Variants in ATRNL1 observed in about 807,000 individuals in gnomAD.
ATRNL1 encodes attractin like 1.
A neutral mutation model predicts 182.7 loss-of-function variants in ATRNL1; 95 were observed. That is an observed-to-expected ratio of 0.52 (90% confidence interval 0.44 to 0.62). The LOEUF is 0.62. ATRNL1 is among the 20% of genes least tolerant of loss of function. The pLI is 0.00. For missense variants in ATRNL1, 1,471 were observed against 1,679.5 expected (o/e 0.88, Z 2.17); for synonymous variants, 576 against 568.3 (o/e 1.01, Z -0.19).
intron 25 of ATRNL1, among the ~76,000 whole-genome samples, chr10:115,532,437 A>G (rs1244484927): frequency 1.3e-4 from 20 of 151,760 alleles, no homozygotes; most frequent in South Asian, 4.2e-4. Flanking sequence ...ATCTGTTATT[A>G]GTGTATAAGA....
intron 26 of ATRNL1, among the ~76,000 whole-genome samples, chr10:115,640,672 A>G (rs552997665): frequency 6.6e-6 from 1 of 152,312 alleles, no homozygotes; most frequent in African/African-American, 2.4e-5. Flanking sequence ...TCTGGATATT[A>G]GCTTTTTGTC....
At chr10:115,820,434 G>C (rs1950264942) in intron 27 of ATRNL1, 1 of 152,046 alleles carries the variant, frequency 6.6e-6, no homozygotes, top group African/African-American at 2.4e-5. Context: ...TCCTTCATCA[G>C]GATACAGAAA....
At chr10:115,226,683 A>C (rs529251183) in intron 9 of ATRNL1, among the ~76,000 whole-genome samples, 1 of 152,186 alleles carries the variant, frequency 6.6e-6, no homozygotes, top group Non-Finnish European at 1.5e-5. Flanking sequence ...AAACTGTACT[A>C]TAAAGCTACA....
intron 24 of ATRNL1, among the ~76,000 whole-genome samples, chr10:115,481,087 G>T (rs982364214): frequency 9.3e-5 from 14 of 150,468 alleles, no homozygotes; most frequent in Non-Finnish European, 2.1e-4. Context: ...ATGCGGTTTT[G>T]TTAAATATTC....
intron 27 of ATRNL1, among the ~76,000 whole-genome samples, chr10:115,824,787 G>T (rs1372562549): frequency 1.3e-5 from 2 of 152,190 alleles, no homozygotes; most frequent in African/African-American, 4.8e-5. Context: ...GTGGAAAATA[G>T]GAGCGCTTGT....
chr10:115,330,905 A>T (rs1210807657), intron 18 of ATRNL1, among the ~76,000 whole-genome samples: 1 of 151,766 alleles, frequency 6.6e-6, no homozygotes, highest in Non-Finnish European at 1.5e-5. Flanking sequence ...TTGAACACTA[A>T]TGATACACAG....
intron 8 of ATRNL1, among the ~76,000 whole-genome samples, chr10:115,206,264 G>GTTTAATTGT (rs1284996396): frequency 6.6e-6 from 1 of 151,998 alleles, no homozygotes; most frequent in Non-Finnish European, 1.5e-5. Context: ...TTTTTCAACA[G>GTTTAATTGT]TTTAATTGTT....
At chr10:115,462,955 G>C (rs555472695) in intron 22 of ATRNL1, among the ~76,000 whole-genome samples, 10 of 151,858 alleles carry the variant, frequency 6.6e-5, no homozygotes, top group African/African-American at 2.2e-4. Context: ...ATCAACCATA[G>C]GGTTTATTCG....
At chr10:115,408,344 TC>T (rs1255817682) in intron 20 of ATRNL1, among the ~76,000 whole-genome samples, 30 of 152,326 alleles carry the variant, frequency 2.0e-4, no homozygotes, top group East Asian at 1.9e-4. Context: ...GGCCATTTTT[TC>T]ATAGGTTTGC....
chr10:115,250,678 A>G (rs1850838724), intron 10 of ATRNL1, among the ~76,000 whole-genome samples: 1 of 152,196 alleles, frequency 6.6e-6, no homozygotes, highest in African/African-American at 2.4e-5. Context: ...AAGATGCATA[A>G]TTGGTCTTTT....
At chr10:115,168,558 T>TA (rs1847149230) in intron 7 of ATRNL1, among the ~76,000 whole-genome samples, 1 of 152,170 alleles carries the variant, frequency 6.6e-6, no homozygotes, top group African/African-American at 2.4e-5. Context: ...ATTTCCCTGT[T>TA]AACTAATGAT....
chr10:115,835,969 A>T (rs979139711), intron 27 of ATRNL1, among the ~76,000 whole-genome samples: 3 of 152,132 alleles, frequency 2.0e-5, no homozygotes, highest in African/African-American at 7.2e-5. Flanking sequence ...CCCCACACCG[A>T]TGTTGTTCCT....
chr10:115,625,429 C>G (rs550721913), intron 26 of ATRNL1, among the ~76,000 whole-genome samples: 2 of 152,096 alleles, frequency 1.3e-5, no homozygotes, highest in Non-Finnish European at 2.9e-5. Flanking sequence ...CTATTAATTT[C>G]TTGGCATAGT....
chr10:115,852,655 G>T (rs1395662065), intron 28 of ATRNL1, among the ~76,000 whole-genome samples: 1 of 152,176 alleles, frequency 6.6e-6, no homozygotes, highest in African/African-American at 2.4e-5. Context: ...TCCTCAGCCA[G>T]TGTGACTCTC....
At chr10:115,660,749 T>C (rs1421295711) in intron 26 of ATRNL1, among the ~76,000 whole-genome samples, 1 of 152,058 alleles carries the variant, frequency 6.6e-6, no homozygotes, top group African/African-American at 2.4e-5. Flanking sequence ...AAATAACTCT[T>C]TCAAGTATTT....
intron 6 of ATRNL1, among the ~76,000 whole-genome samples, 171 bp downstream of exon 6, chr10:115,160,385 T>C (rs1846726339): frequency 6.6e-6 from 1 of 151,922 alleles, no homozygotes; most frequent in African/African-American, 2.4e-5. Context: ...ATAGCTGTCA[T>C]TGCACATAGA....
At chr10:115,245,065 A>AT (rs1443269152) in intron 10 of ATRNL1, among the ~76,000 whole-genome samples, 1 of 152,208 alleles carries the variant, frequency 6.6e-6, no homozygotes, top group East Asian at 1.9e-4. Context: ...CTTTGTAGTG[A>AT]TTATTTAAAA....
At chr10:115,654,385 T>C (rs1860201520) in intron 26 of ATRNL1, among the ~76,000 whole-genome samples, 1 of 151,760 alleles carries the variant, frequency 6.6e-6, no homozygotes. Context: ...CACCTGGCTA[T>C]TTTTTGTATT....
intron 25 of ATRNL1, among the ~76,000 whole-genome samples, chr10:115,535,361 T>G (rs1204511085): frequency 6.6e-6 from 1 of 152,020 alleles, no homozygotes; most frequent in South Asian, 2.1e-4. Context: ...ATTCATTTCA[T>G]CTTCCATCAC....
Sources: allele counts gnomAD v4.1 joint callset (sites outside exome capture counted in the v4.1 genomes callset), GRCh38; gene constraint gnomAD v4.1.1; transcripts MANE v1.5; gene names NCBI Gene and HGNC (gene_info 2026-07-23, HGNC 2026-07-21).